FRMD3: variants seen among roughly 807,000 people sequenced by gnomAD.
The protein encoded by FRMD3 is FERM domain containing 3.
In FRMD3, 33 loss-of-function variants were observed where a neutral mutation model predicts 70.2. The observed-to-expected ratio is 0.47, with a 90% CI of 0.36 to 0.63. The LOEUF (loss-of-function observed/expected upper bound fraction) is 0.63, where lower values mean the gene tolerates loss of function less well. Ranked by LOEUF, FRMD3 falls within the 20% of genes least tolerant of loss-of-function variation. The pLI is 0.00. For missense variants in FRMD3, 632 were observed against 711.4 expected, an observed-to-expected ratio of 0.89 and a Z score of 1.27; for synonymous variants, 279 against 255.9, an observed-to-expected ratio of 1.09 and a Z score of -0.86.
At chr9:83,382,409 T>C (rs1463291543) in intron 2 of FRMD3, among the ~76,000 whole-genome samples, 1 of 152,220 alleles carries the variant, frequency 6.6e-6, no homozygotes, top group East Asian at 1.9e-4. Context: ...CATAAATTGA[T>C]AGTATGGTTA....
chr9:83,453,315 A>ACGCTTTAT (rs1162713053), intron 1 of FRMD3, among the ~76,000 whole-genome samples: 5 of 152,200 alleles, frequency 3.3e-5, no homozygotes, highest in Non-Finnish European at 7.3e-5. Flanking sequence ...GACTATGTCT[A>ACGCTTTAT]CGCTTTATTA....
intron 1 of FRMD3, among the ~76,000 whole-genome samples, chr9:83,431,026 C>T (rs986301797): frequency 2.7e-4 from 41 of 152,148 alleles, no homozygotes; most frequent in African/African-American, 9.9e-4. Flanking sequence ...GTATTAGAGC[C>T]CTGTGATAGG....
chr9:83,534,332 C>T (rs1298215699), intron 1 of FRMD3, among the ~76,000 whole-genome samples: 1 of 152,216 alleles, frequency 6.6e-6, no homozygotes, highest in Admixed American at 6.5e-5. Context: ...GAACTGACCA[C>T]CAGTCTGCTG....
intron 1 of FRMD3, 122 bp from the exon 2 acceptor site, chr9:83,389,830 T>C (rs1450294201): frequency 3.1e-6 from 2 of 653,772 alleles, no homozygotes; most frequent in Admixed American, 5.4e-5. Flanking sequence ...CTCCAGTCCC[T>C]GAAGAAGGGG....
intron 1 of FRMD3, among the ~76,000 whole-genome samples, chr9:83,417,970 A>C (rs1270383890): frequency 6.6e-6 from 1 of 152,186 alleles, no homozygotes; most frequent in African/African-American, 2.4e-5. Context: ...TTACATTAAT[A>C]ATTTGACATG....
chr9:83,443,673 G>A (rs919400914), intron 1 of FRMD3, among the ~76,000 whole-genome samples: 6 of 152,180 alleles, frequency 3.9e-5, no homozygotes, highest in Non-Finnish European at 8.8e-5. Flanking sequence ...GGATCGCTGG[G>A]TCAGATGGTA....
intron 1 of FRMD3, among the ~76,000 whole-genome samples, chr9:83,444,782 C>T (rs1354798783): frequency 6.6e-6 from 1 of 152,098 alleles, no homozygotes; most frequent in Non-Finnish European, 1.5e-5. Flanking sequence ...TTGTGCAGCC[C>T]CAAGTTGGAG....
rs1048301808 is a variant in FRMD3, at chr9:83,537,835, G to T, written c.147+250C>A. 6.6e-6 allele frequency among the ~76,000 whole-genome samples: 1 copy of T among 150,754 alleles called. No individual in the cohort carries two copies. Among genetic ancestry groups the T allele is most frequent in the Non-Finnish European group, 1.5e-5 (1 of 67,642 alleles). ...CTAGCCCGGGCGCAGTGAGACGCGCGCGCAGGGTGCACGCGAGGGGAAGGA... is the reference window on the plus strand; with the variant it reads ...CTAGCCCGGGCGCAGTGAGACGCGCTCGCAGGGTGCACGCGAGGGGAAGGA... On this transcript the variant is annotated intron_variant, in intron 1 of 13. Coordinates refer to ENST00000304195, the MANE Select transcript of FRMD3 (RefSeq NM_174938.6). This position sits in a 1 kb window ranked among gnomAD's most constrained non-coding sequence, Gnocchi z 4.1.
At chr9:83,381,027 G>A (rs1223888760) in intron 2 of FRMD3, among the ~76,000 whole-genome samples, 2 of 152,038 alleles carry the variant, frequency 1.3e-5, no homozygotes, top group East Asian at 3.9e-4. Context: ...GCCAATTTAT[G>A]TCATTCCTAG....
Position 83,407,837 on chromosome 9 carries a change from G to GTCTCTCTCTCTCTCTCTCTC in FRMD3, c.148-18149_148-18130dup, listed in dbSNP as rs761983764. On this transcript the variant is annotated intron_variant, in intron 1 of 13. Coordinates refer to ENST00000304195, the MANE Select transcript of FRMD3 (RefSeq NM_174938.6). ...GCCAGCAGAGGAGGGGGGTTGTTGAGTCTCTCTCTCTCTCTCTCTCTCTCT... is the reference window on the plus strand; with the variant it reads ...GCCAGCAGAGGAGGGGGGTTGTTGAGTCTCTCTCTCTCTCTCTCTCTCTCTCTCTCTCTCTCTCTCTCTCT... Among the ~76,000 whole-genome samples, 209 of 103,640 alleles carry GTCTCTCTCTCTCTCTCTCTC rather than the reference G, an allele frequency of 2.0e-3. 5 individuals are homozygous for GTCTCTCTCTCTCTCTCTCTC. Among genetic ancestry groups the GTCTCTCTCTCTCTCTCTCTC allele is most frequent in the East Asian group, 6.6e-3 (19 of 2,868 alleles). 68.0% of individuals were successfully genotyped at this position (103,640 alleles called of 152,430 possible). A position where few individuals can be genotyped will look rare whatever the true frequency, so the allele number is the denominator to read the frequency against.
chr9:83,546,698 T>C, the FRMD3 span, among the ~76,000 whole-genome samples: 3 of 151,876 alleles, frequency 2.0e-5, no homozygotes, highest in African/African-American at 7.3e-5. Flanking sequence ...AATGTTCCAC[T>C]CCTGGCCAAC....
At chr9:83,388,807 C>T (rs113885123) in intron 2 of FRMD3, among the ~76,000 whole-genome samples, 54 of 152,102 alleles carry the variant, frequency 3.6e-4, no homozygotes, top group Non-Finnish European at 1.8e-4. Context: ...ATTCACATAA[C>T]GAAATTAACC....
At chr9:83,346,698 A>T (rs563314397) in intron 4 of FRMD3, among the ~76,000 whole-genome samples, 300 of 152,314 alleles carry the variant, frequency 2.0e-3, no homozygotes, top group African/African-American at 6.9e-3. Context: ...TGAAAATCCA[A>T]ATTGTCTTAG....
At chr9:83,393,362 C>A (rs969283691) in intron 1 of FRMD3, among the ~76,000 whole-genome samples, 23 of 152,308 alleles carry the variant, frequency 1.5e-4, no homozygotes, top group South Asian at 6.2e-4. Flanking sequence ...ATGAACAGTG[C>A]ATGACTGGTC....
intron 1 of FRMD3, among the ~76,000 whole-genome samples, chr9:83,476,774 C>T (rs2131468186): frequency 6.6e-6 from 1 of 152,260 alleles, no homozygotes; most frequent in East Asian, 1.9e-4. Context: ...TTTCTTTATC[C>T]CTTGAGTCGT....
intron 2 of FRMD3, among the ~76,000 whole-genome samples, chr9:83,388,942 C>CTTTTTTTT (rs554000690): frequency 8.5e-6 from 1 of 117,186 alleles, no homozygotes; most frequent in Non-Finnish European, 1.7e-5. Flanking sequence ...CTACCAATAG[C>CTTTTTTTT]TTTTTTTTTT....
chr9:83,381,673 CAGA>C (rs1400526081), intron 2 of FRMD3, among the ~76,000 whole-genome samples: 2 of 152,052 alleles, frequency 1.3e-5, no homozygotes, highest in Non-Finnish European at 2.9e-5. Flanking sequence ...AGATAACAGC[CAGA>C]AGAAGAAACA....
intron 1 of FRMD3, among the ~76,000 whole-genome samples, chr9:83,496,246 G>A (rs990470245): frequency 6.6e-6 from 1 of 152,188 alleles, no homozygotes; most frequent in African/African-American, 2.4e-5. Flanking sequence ...ATAAATAACT[G>A]TATAAATAGT....
At chr9:83,265,277 G>A (rs1373536124) in intron 13 of FRMD3, among the ~76,000 whole-genome samples, 1 of 151,764 alleles carries the variant, frequency 6.6e-6, no homozygotes, top group African/African-American at 2.4e-5. Flanking sequence ...GCAGGCGCCT[G>A]TAATATCAGC....
Sources: allele counts gnomAD v4.1 joint callset (sites outside exome capture counted in the v4.1 genomes callset), GRCh38; gene constraint gnomAD v4.1.1; non-coding constraint Gnocchi (gnomAD v3.1); transcripts MANE v1.5; gene names NCBI Gene and HGNC (gene_info 2026-07-23, HGNC 2026-07-21).